The following USP40 variants were observed in gnomAD, a reference collection of about 807,000 sequenced individuals.
USP40 encodes the protein ubiquitin specific peptidase 40, also known as ubiquitin carboxyl-terminal hydrolase 40.
A neutral mutation model predicts 166.2 loss-of-function variants in USP40; 143 were observed. The observed-to-expected ratio is 0.86, with a 90% CI of 0.75 to 0.99. The LOEUF is 0.99. USP40 is among the 50% of genes least tolerant of loss of function. USP40 has a pLI of 0.00. For missense variants in USP40, 1,444 were observed against 1,479.7 expected, an observed-to-expected ratio of 0.98 and a Z score of 0.40; for synonymous variants, 498 against 524.0, an observed-to-expected ratio of 0.95 and a Z score of 0.68.
intron 2 of USP40, among the ~76,000 whole-genome samples, chr2:233,564,289 G>T (rs765204976): frequency 2.4e-4 from 37 of 152,158 alleles, no homozygotes; most frequent in Non-Finnish European, 4.9e-4. Flanking sequence ...AACCAGATAG[G>T]ATGAGTCAGG....
chr2:233,497,121 A>T (rs1440814793), intron 23 of USP40, among the ~76,000 whole-genome samples: 3 of 152,252 alleles, frequency 2.0e-5, no homozygotes, highest in Non-Finnish European at 2.9e-5. Context: ...AATCCTAAAA[A>T]GATGGGTTGG....
intron 1 of USP40, 141 bp from the exon 2 acceptor site, chr2:233,565,714 G>T: frequency 1.4e-6 from 1 of 710,878 alleles, no homozygotes; most frequent in Non-Finnish European, 2.3e-6. Context: ...GGGTTTTGGA[G>T]GCAGCAAGAT....
intron 21 of USP40, among the ~76,000 whole-genome samples, chr2:233,503,693 C>T (rs561066477): frequency 1.4e-4 from 22 of 152,066 alleles, no homozygotes; most frequent in South Asian, 4.1e-4. Context: ...GAAATAAAGG[C>T]GAGATATAAA....
chr2:233,536,942 G>A (rs2068979112), intron 10 of USP40, among the ~76,000 whole-genome samples: 1 of 151,948 alleles, frequency 6.6e-6, no homozygotes, highest in South Asian at 2.1e-4. Context: ...CTGCAGTGCA[G>A]TGCATGATCA....
Position 233,480,533 on chromosome 2 carries a change from C to A in USP40, c.3599+670G>T, listed in dbSNP as rs905306462. On this transcript the variant is annotated intron_variant, in intron 31 of 31. Coordinates refer to ENST00000678225, the MANE Select transcript of USP40 (RefSeq NM_001365479.2). This position sits in a 1 kb window ranked among gnomAD's most constrained non-coding sequence, Gnocchi z 4.5. ...GGAGGCCTGAAGACAGCCGGCTGGG[C>A]ACAGAGCCTGTGGCTTGGCCTGACT... Among the ~76,000 whole-genome samples, 1 of 152,232 alleles carries A rather than the reference C, an allele frequency of 6.6e-6. No individual in the cohort carries two copies. The highest frequency in any genetic ancestry group is 2.4e-5 in the African/African-American group (1 of 41,458).
Position 233,496,715 on chromosome 2 carries a change from C to CTGT in USP40, c.2790+42_2790+43insACA. The CTGT allele has an allele frequency of 5.2e-6, 8 of 1,524,044 alleles. 1 individual carries two copies. In the Middle Eastern group the frequency reaches 1.3e-3, roughly 246 times the overall value. The allele number at this position is 1,524,044 out of a possible 1,614,324, so 94.4% of individuals were successfully genotyped here. A position where few individuals can be genotyped will look rare whatever the true frequency, so the allele number is the denominator to read the frequency against. On this transcript the variant is annotated intron_variant, in intron 24 of 31. Transcript: ENST00000678225. Reference sequence around the variant, plus strand: ...CTGTATCATCTCTGTAATCAGATAACAATTATTACTTAAGAGTTGTCTATT... The same window carrying CTGT: ...CTGTATCATCTCTGTAATCAGATAACTGTAATTATTACTTAAGAGTTGTCTATT...
chr2:233,509,974 A>C (rs2066689973), intron 21 of USP40, 75 bp downstream of exon 21: 1 of 1,193,106 alleles, frequency 8.4e-7, no homozygotes. Flanking sequence ...AAATCTTAAC[A>C]CAGGATACCA....
chr2:233,524,115 T>C (rs2067849678), intron 15 of USP40, among the ~76,000 whole-genome samples: 1 of 152,184 alleles, frequency 6.6e-6, no homozygotes, highest in Non-Finnish European at 1.5e-5. Flanking sequence ...TCACATAGGC[T>C]GAATAAAATT....
At chr2:233,536,775 A>ATGTT (rs772106101) in intron 10 of USP40, among the ~76,000 whole-genome samples, 9 of 152,372 alleles carry the variant, frequency 5.9e-5, no homozygotes, top group Non-Finnish European at 1.2e-4. Context: ...CCAACCATGA[A>ATGTT]TCAAAAACAT....
intron 22 of USP40, among the ~76,000 whole-genome samples, chr2:233,499,571 G>C (rs2065942863): frequency 1.3e-5 from 2 of 152,132 alleles, no homozygotes; most frequent in South Asian, 4.1e-4. Context: ...CTAGGTCTTT[G>C]AGGAGTTGCC....
chr2:233,487,909 A>C (rs2065049535), intron 28 of USP40: 1 of 558,870 alleles, frequency 1.8e-6, no homozygotes, highest in Non-Finnish European at 3.5e-6. Flanking sequence ...GGGAGCAATG[A>C]TGAATCCGTT....
chr2:233,484,417 C>T (rs1425536864), intron 30 of USP40, among the ~76,000 whole-genome samples: 3 of 151,956 alleles, frequency 2.0e-5, no homozygotes, highest in Non-Finnish European at 4.4e-5. Context: ...TGATCTTGGA[C>T]CCTTTCGAAC....
chr2:233,512,352 G>A lies in USP40; in HGVS notation c.2437+217C>T, dbSNP rs144225407. On this transcript the variant is annotated intron_variant, in intron 19 of 31. Transcript: ENST00000678225. ...CAAACCCGTGAGTAAAATGAGAATC[G>A]GATAATCAGAAAGAATGGTGTTTCA... 9.3e-3 allele frequency: 3,015 copies of A among 324,758 alleles called. 67 individuals carry two copies. Among genetic ancestry groups the A allele is most frequent in the East Asian group, 0.056 (1,123 of 20,088 alleles). 20.1% of individuals were successfully genotyped at this position (324,758 alleles called of 1,614,324 possible). A position where few individuals can be genotyped will look rare whatever the true frequency, so the allele number is the denominator to read the frequency against.
At chr2:233,483,348 G>A (rs142487719) in intron 30 of USP40, among the ~76,000 whole-genome samples, 4 of 152,148 alleles carry the variant, frequency 2.6e-5, no homozygotes, top group South Asian at 2.1e-4. Context: ...AAAATTAGCC[G>A]GGCATAATGG....
chr2:233,496,734 G>C, intron 24 of USP40, 24 bp downstream of exon 24: 1 of 1,585,540 alleles, frequency 6.3e-7, no homozygotes, highest in South Asian at 1.1e-5. Flanking sequence ...CTTAAGAGTT[G>C]TCTATTCAGA....
chr2:233,527,568 C>T lies in USP40; in HGVS notation c.1564G>A (p.Asp522Asn), dbSNP rs754640028. ...AATTCAAAAGTATTGTTTGCAGAAT[C>T]ACATTCTGCCCTTTAAAGAGGCACA... The part of the protein sequence containing the change: ...IELQTKRAEC[D>N]SANNTFELHL... The change falls in exon 13 of 32, where the codon GAT (aspartate) becomes AAT (asparagine). Residue 522 changes from aspartate to asparagine, a missense_variant. Asp to Asn is a conservative substitution (Grantham distance 23, BLOSUM62 1). Coordinates refer to ENST00000678225, the MANE Select transcript of USP40 (RefSeq NM_001365479.2). The T allele has an allele frequency of 6.2e-7, 1 of 1,607,600 alleles. No individual in the cohort carries two copies. The highest frequency in any genetic ancestry group is 8.5e-7 in the Non-Finnish European group (1 of 1,177,708).
At chr2:233,523,520 A>G in intron 15 of USP40, 31 bp from the exon 16 acceptor site, 1 of 1,577,962 alleles carries the variant, frequency 6.3e-7, no homozygotes, top group Non-Finnish European at 8.6e-7. Flanking sequence ...CCATTAGTAC[A>G]GCTGATATTT....
At chr2:233,508,364 T>A (rs57285092) in intron 21 of USP40, among the ~76,000 whole-genome samples, 4,684 of 152,314 alleles carry the variant, frequency 0.031, 226 homozygotes, top group African/African-American at 0.11. Context: ...CTATAGGTTG[T>A]CCTTGTCCCC....
chr2:233,537,043 C>T (rs1265991217), intron 10 of USP40, among the ~76,000 whole-genome samples: 1 of 152,054 alleles, frequency 6.6e-6, no homozygotes, highest in Non-Finnish European at 1.5e-5. Context: ...ACCACCGCAT[C>T]CAGCTAATTT....
Sources: gnomAD v4.1 joint callset for allele counts (sites outside exome capture counted in the v4.1 genomes callset) on GRCh38, gnomAD v4.1.1 for gene constraint, Gnocchi (gnomAD v3.1) non-coding constraint, MANE v1.5 for transcripts, NCBI Gene and HGNC (gene_info 2026-07-23, HGNC 2026-07-21) for gene names.